SERINC5: variants seen among roughly 807,000 people sequenced by gnomAD.
SERINC5 encodes serine incorporator 5.
In SERINC5, 41 loss-of-function variants were observed where a neutral mutation model predicts 63.1. The ratio of observed to expected loss-of-function variants is 0.65; its 90% CI spans 0.51 to 0.84. SERINC5 has a LOEUF of 0.84. SERINC5 is among the 40% of genes least tolerant of loss of function. The pLI, the probability that SERINC5 is intolerant of heterozygous loss-of-function variation, is 0.00. For synonymous variants in SERINC5, 222 were observed against 215.2 expected (o/e 1.03, Z -0.28); for missense variants, 523 against 573.0 (o/e 0.91, Z 0.89).
intron 1 of SERINC5, among the ~76,000 whole-genome samples, chr5:80,212,668 G>T: frequency 7.0e-6 from 1 of 142,476 alleles, no homozygotes; most frequent in East Asian, 2.2e-4. Context: ...GGTGGGGTGG[G>T]GGGGGGGTGT....
chr5:80,152,298 C>T (rs1004899319), intron 8 of SERINC5, among the ~76,000 whole-genome samples: 2 of 152,114 alleles, frequency 1.3e-5, no homozygotes, highest in South Asian at 2.1e-4. Context: ...CCCAGGAGTT[C>T]GAGACCAGCT....
intron 1 of SERINC5, among the ~76,000 whole-genome samples, chr5:80,249,342 G>A (rs1463809606): frequency 6.6e-6 from 1 of 151,534 alleles, no homozygotes; most frequent in Non-Finnish European, 1.5e-5. Flanking sequence ...CATCAAGTTT[G>A]AAGGTAGAAG....
intron 1 of SERINC5, among the ~76,000 whole-genome samples, chr5:80,224,156 A>G (rs1462873466): frequency 2.0e-5 from 3 of 150,086 alleles, no homozygotes; most frequent in African/African-American, 7.3e-5. Flanking sequence ...AAAAGAAAAA[A>G]GAAAAAGAAA....
At chr5:80,164,489 C>T (rs1349458868) in intron 7 of SERINC5, among the ~76,000 whole-genome samples, 1 of 152,098 alleles carries the variant, frequency 6.6e-6, no homozygotes, top group Non-Finnish European at 1.5e-5. Flanking sequence ...TCCAGTGATC[C>T]TCCCACCTCA....
In SERINC5 at chr5:80,139,413, T is replaced by C. The variant is rs1745367833; in HGVS notation, c.*4250A>G. Reference sequence around the variant, plus strand: ...AAGAGTTCTTCCATCATTTTACTCATGTGAATATGATTAAACTCCTATAGA... The same window carrying C: ...AAGAGTTCTTCCATCATTTTACTCACGTGAATATGATTAAACTCCTATAGA... On this transcript the variant is annotated 3_prime_UTR_variant, in exon 12 of 12. Coordinates refer to ENST00000507668, the MANE Select transcript of SERINC5 (RefSeq NM_001174072.3). The C allele has an allele frequency of 5.1e-6, 5 of 984,814 alleles. No homozygotes were observed. Among genetic ancestry groups the C allele is most frequent in the Non-Finnish European group, 4.8e-6 (4 of 829,382 alleles). The allele number at this position is 984,814 out of a possible 1,614,324, so 61.0% of individuals were successfully genotyped here.
chr5:80,229,893 C>T (rs1431153696), intron 1 of SERINC5, among the ~76,000 whole-genome samples: 5 of 152,162 alleles, frequency 3.3e-5, no homozygotes, highest in Non-Finnish European at 2.9e-5. Flanking sequence ...AGAATGTTTT[C>T]AAGGCACTTA....
At chr5:80,160,869 ATTC>A (rs1264458960) in intron 7 of SERINC5, among the ~76,000 whole-genome samples, 3 of 151,714 alleles carry the variant, frequency 2.0e-5, no homozygotes, top group African/African-American at 7.3e-5. Context: ...ACAGGATTTC[ATTC>A]TTTTTTATGG....
chr5:80,143,678 C>T lies in SERINC5; in HGVS notation c.1371G>A (p.Arg457=). 1 of 1,536,034 alleles carries T rather than the reference C, an allele frequency of 6.5e-7. No homozygotes were observed. The highest frequency in any genetic ancestry group is 1.2e-5 in the South Asian group (1 of 84,058). The change falls in exon 12 of 12, where the codon CGG becomes CGA. Residue 457 remains arginine (R), a synonymous_variant. Coordinates refer to ENST00000507668, the MANE Select transcript of SERINC5 (RefSeq NM_001174072.3). ...GCCGATATCATCACACAGAGAACTC[C>T]CGGGTGGGGCAGCAGAGGGGAGCGA... ...TLVAPLCCPT[R]EFSV
chr5:80,199,774 T>C lies in SERINC5; in HGVS notation c.195+3112A>G, dbSNP rs79892185. ...TGCAGGGCTTAATTCTATTAAAGAA[T>C]AGCAACTTATTAAGAGCAGGGATCA... On this transcript the variant is annotated intron_variant, in intron 2 of 11. Coordinates refer to ENST00000507668, the MANE Select transcript of SERINC5 (RefSeq NM_001174072.3). Among the ~76,000 whole-genome samples, 1,254 of 152,272 alleles carry C rather than the reference T, an allele frequency of 8.2e-3. 9 individuals carry two copies. Among genetic ancestry groups the C allele is most frequent in the South Asian group, 0.014 (69 of 4,828 alleles).
intron 1 of SERINC5, among the ~76,000 whole-genome samples, chr5:80,211,559 G>T (rs1750430497): frequency 6.6e-6 from 1 of 152,178 alleles, no homozygotes; most frequent in Non-Finnish European, 1.5e-5. Flanking sequence ...CTGAGCACTG[G>T]AAGAGCCGCC....
chr5:80,244,325 C>T (rs1444246532), intron 1 of SERINC5, among the ~76,000 whole-genome samples: 1 of 151,812 alleles, frequency 6.6e-6, no homozygotes, highest in South Asian at 2.1e-4. Flanking sequence ...AAGCGATTCT[C>T]CAGCCTCAAC....
downstream of SERINC5, among the ~76,000 whole-genome samples, chr5:80,136,519 T>C (rs936937683): frequency 2.0e-5 from 3 of 152,170 alleles, no homozygotes; most frequent in African/African-American, 4.8e-5. Flanking sequence ...TTTTATTTCA[T>C]ACCATATTAA....
chr5:80,148,879 C>G (rs183509439), intron 9 of SERINC5, among the ~76,000 whole-genome samples: 13 of 152,234 alleles, frequency 8.5e-5, no homozygotes, highest in African/African-American at 3.1e-4. Flanking sequence ...CCCTGCTTGG[C>G]AAGGAAACCT....
intron 2 of SERINC5, among the ~76,000 whole-genome samples, chr5:80,193,083 C>T (rs1318177084): frequency 6.6e-6 from 1 of 152,220 alleles, no homozygotes; most frequent in Non-Finnish European, 1.5e-5. Context: ...TCCCCAGCAC[C>T]TTTCAGAGTG....
chr5:80,222,960 T>C (rs1210233813), intron 1 of SERINC5, among the ~76,000 whole-genome samples: 2 of 152,040 alleles, frequency 1.3e-5, no homozygotes, highest in Non-Finnish European at 2.9e-5. Context: ...CCTGGGCTCA[T>C]GTGATCCTTC....
intron 8 of SERINC5, among the ~76,000 whole-genome samples, chr5:80,155,895 C>T (rs1487101558): frequency 6.6e-6 from 1 of 152,044 alleles, no homozygotes; most frequent in Non-Finnish European, 1.5e-5. Flanking sequence ...CAGCCCCAGG[C>T]AGAAAGGCAG....
intron 5 of SERINC5, among the ~76,000 whole-genome samples, chr5:80,170,264 A>G (rs1747563433): frequency 6.6e-6 from 1 of 152,228 alleles, no homozygotes; most frequent in African/African-American, 2.4e-5. Context: ...ACAGGGAGCT[A>G]GACTTAGGTC....
chr5:80,148,955 A>T (rs927916111), intron 9 of SERINC5, among the ~76,000 whole-genome samples: 10 of 152,212 alleles, frequency 6.6e-5, no homozygotes, highest in Non-Finnish European at 1.2e-4. Flanking sequence ...CCACTAATTC[A>T]TTCAGTGGGC....
chr5:80,132,370 C>G (rs1744982774), intron 11 of SERINC5, among the ~76,000 whole-genome samples: 1 of 152,164 alleles, frequency 6.6e-6, no homozygotes, highest in Admixed American at 6.5e-5. Flanking sequence ...CCAAGAAGCA[C>G]TGTACTCCTT....
Sources: allele counts gnomAD v4.1 joint callset (sites outside exome capture counted in the v4.1 genomes callset), GRCh38; gene constraint gnomAD v4.1.1; transcripts MANE v1.5; gene names NCBI Gene and HGNC (gene_info 2026-07-23, HGNC 2026-07-21).